Variants in CD44 observed in about 807,000 individuals in gnomAD.
CD44 encodes CD44 antigen.
CD44 carries 49 observed loss-of-function variants against 88.8 expected under a neutral mutation model. The observed-to-expected ratio is 0.55, with a 90% CI of 0.44 to 0.70. CD44 has a LOEUF of 0.70. Among genes scored for constraint, CD44 ranks in the 30% least tolerant of loss-of-function variants. The pLI is 0.00. For synonymous variants in CD44, 325 were observed against 312.3 expected, an observed-to-expected ratio of 1.04 and a Z score of -0.43; for missense variants, 883 against 913.8, an observed-to-expected ratio of 0.97 and a Z score of 0.43.
intron 12 of CD44, among the ~76,000 whole-genome samples, chr11:35,209,570 C>G (rs1948205575): frequency 6.6e-6 from 1 of 152,090 alleles, no homozygotes; most frequent in African/African-American, 2.4e-5. Flanking sequence ...TCTTGACACA[C>G]AGTTAGGTGC....
chr11:35,157,491 CTTAA>C (rs1314728581), intron 1 of CD44, among the ~76,000 whole-genome samples: 2 of 152,106 alleles, frequency 1.3e-5, no homozygotes, highest in East Asian at 1.9e-4. Flanking sequence ...ATCTCTATCT[CTTAA>C]TTGTCTCTAT....
chr11:35,214,158 A>C (rs1948642231), intron 14 of CD44, among the ~76,000 whole-genome samples: 1 of 152,174 alleles, frequency 6.6e-6, no homozygotes, highest in African/African-American at 2.4e-5. Context: ...AGAAGCTAGG[A>C]TTATATTAAC....
chr11:35,220,441 G>A (rs901171683), intron 16 of CD44, among the ~76,000 whole-genome samples: 3 of 152,180 alleles, frequency 2.0e-5, no homozygotes, highest in African/African-American at 7.2e-5. Context: ...GGCAAAGGTA[G>A]TGCTGAGCAG....
At chr11:35,160,374 A>G (rs1942443567) in intron 1 of CD44, among the ~76,000 whole-genome samples, 1 of 152,234 alleles carries the variant, frequency 6.6e-6, no homozygotes. Context: ...TTCTGAGAGC[A>G]GGATGCTGGT....
Position 35,222,433 on chromosome 11 carries a change from A to G in CD44, c.2024+701A>G, listed in dbSNP as rs1354283423. On this transcript the variant is annotated intron_variant, in intron 17 of 17. Coordinates refer to ENST00000428726, the MANE Select transcript of CD44 (RefSeq NM_000610.4). ...ACTGTTTCATCGTCTTCTTGCTGTT[A>G]GGAGGTCTATGAAGCAGAGAAGAAC... 7.0e-6 allele frequency: 9 copies of G among 1,293,952 alleles called. No individual in the cohort carries two copies. The South Asian group carries it at 8.9e-5, about 13-fold the overall frequency. 80.2% of individuals were successfully genotyped at this position (1,293,952 alleles called of 1,614,324 possible). A position where few individuals can be genotyped will look rare whatever the true frequency, so the allele number is the denominator to read the frequency against.
intron 5 of CD44, among the ~76,000 whole-genome samples, chr11:35,196,281 T>A (rs1946735221): frequency 6.6e-6 from 1 of 152,252 alleles, no homozygotes; most frequent in Admixed American, 6.5e-5. Context: ...ATTGGTTTTT[T>A]AAATCCAACA....
At chr11:35,224,090 CT>C (rs1174999347) in intron 17 of CD44, among the ~76,000 whole-genome samples, 1 of 152,168 alleles carries the variant, frequency 6.6e-6, no homozygotes, top group African/African-American at 2.4e-5. Context: ...AGAACATTCC[CT>C]GTGCCAGACA....
At chr11:35,224,494 T>C (rs111599228) in intron 17 of CD44, among the ~76,000 whole-genome samples, 1 of 152,160 alleles carries the variant, frequency 6.6e-6, no homozygotes, top group African/African-American at 2.4e-5. Context: ...GTGGCTCACT[T>C]TGGGAGGCCG....
chr11:35,196,835 G>C lies in CD44; in HGVS notation c.757G>C (p.Glu253Gln), dbSNP rs1206166460. Residue 253 changes from glutamate to glutamine, a missense_variant, in exon 6 of 18, where the codon GAG (glutamate) becomes CAG (glutamine). Glu to Gln is a conservative substitution (Grantham distance 29). This residue lies in a region of CD44 where 631 missense variants were observed against 590.9 expected (regional missense o/e 1.07). Coordinates refer to ENST00000428726, the MANE Select transcript of CD44 (RefSeq NM_000610.4). ...DWFSWLFLPS[E>Q]SKNHLHTTTQ... ...GTTTTCATGGTTGTTTCTACCATCA[G>C]AGTCAAAGAATCATCTTCACACAAC... The C allele has an allele frequency of 6.2e-7, 1 of 1,613,692 alleles. No homozygotes were observed. The highest frequency in any genetic ancestry group is 1.7e-4 in the Middle Eastern group (1 of 6,060).
chr11:35,191,504 T>C (rs1249015675), intron 5 of CD44, among the ~76,000 whole-genome samples: 1 of 152,228 alleles, frequency 6.6e-6, no homozygotes, highest in Non-Finnish European at 1.5e-5. Context: ...CGGGCCGTGC[T>C]GCTAGCTACT....
chr11:35,180,828 C>T (rs1481731869), intron 3 of CD44, among the ~76,000 whole-genome samples: 2 of 152,078 alleles, frequency 1.3e-5, no homozygotes, highest in African/African-American at 2.4e-5. Context: ...GCCTGTGAGC[C>T]GCAGGTTGGA....
At chr11:35,160,295 A>G (rs745789309) in intron 1 of CD44, among the ~76,000 whole-genome samples, 7 of 151,970 alleles carry the variant, frequency 4.6e-5, no homozygotes, top group African/African-American at 1.7e-4. Context: ...AATTGAAACC[A>G]CTCTTTCCCT....
intron 1 of CD44, among the ~76,000 whole-genome samples, chr11:35,166,593 C>A (rs1943298795): frequency 6.6e-6 from 1 of 152,196 alleles, no homozygotes; most frequent in African/African-American, 2.4e-5. Context: ...ATGTGACAGG[C>A]CCCTCCATGT....
chr11:35,216,978 C>T (rs1044048784), intron 15 of CD44, among the ~76,000 whole-genome samples: 1 of 152,206 alleles, frequency 6.6e-6, no homozygotes, highest in African/African-American at 2.4e-5. Context: ...AATCTCTGTG[C>T]ATATGTCTCA....
intron 13 of CD44, 65 bp from the exon 14 acceptor site, chr11:35,211,181 G>A (rs929508455): frequency 8.0e-7 from 1 of 1,244,828 alleles, no homozygotes; most frequent in African/African-American, 1.5e-5. Context: ...GTGTTCTGGA[G>A]ACAAGCACAT....
chr11:35,164,104 A>T (rs1279763069), intron 1 of CD44, among the ~76,000 whole-genome samples: 2 of 152,036 alleles, frequency 1.3e-5, no homozygotes, highest in Non-Finnish European at 2.9e-5. Context: ...TCAGCAGTAG[A>T]AGCTGCCAGA....
chr11:35,204,888 C>T (rs1947678509), intron 10 of CD44: 1 of 391,778 alleles, frequency 2.6e-6, no homozygotes, highest in East Asian at 5.4e-5. Context: ...TTGAACATGT[C>T]TCTTTCACAT....
intron 1 of CD44, among the ~76,000 whole-genome samples, chr11:35,143,647 T>G (rs1858456687): frequency 6.6e-6 from 1 of 152,172 alleles, no homozygotes. Context: ...CTGTCCCCTG[T>G]GGCCAGCATA....
chr11:35,201,096 C>T lies in CD44; in HGVS notation c.937C>T (p.Arg313Trp), dbSNP rs779239765. Residue 313 changes from arginine to tryptophan, a missense_variant, in exon 8 of 18, where the codon CGG (arginine) becomes TGG (tryptophan). Around this residue, in one of 2 missense-constraint regions of CD44, gnomAD observed 631 missense variants for 590.9 expected, o/e 1.07. Coordinates refer to ENST00000428726, the MANE Select transcript of CD44 (RefSeq NM_000610.4). ...CGTTATCACAGTTTCAACCACACCA[C>T]GGGCTTTTGACCACACAAAACAGAA... is the stretch of plus-strand genomic sequence containing the variant. ...FISSTISTTP[R>W]AFDHTKQNQD... 17 of 1,613,450 alleles carry T rather than the reference C, an allele frequency of 1.1e-5. No individual in the cohort carries two copies. The highest frequency in any genetic ancestry group is 1.7e-5 in the Admixed American group (1 of 60,028).
Sources: gnomAD v4.1 joint callset for allele counts (sites outside exome capture counted in the v4.1 genomes callset) on GRCh38, gnomAD v4.1.1 for gene constraint, gnomAD v4.1.1 regional missense constraint, MANE v1.5 for transcripts, NCBI Gene and HGNC (gene_info 2026-07-23, HGNC 2026-07-21) for gene names.